Variants in NUP58 observed in about 807,000 individuals in gnomAD.
The protein encoded by NUP58 is nucleoporin p58/p45.
Under a neutral mutation model 70.1 loss-of-function variants are expected in NUP58, and 17 were observed. The ratio of observed to expected loss-of-function variants is 0.24; its 90% CI spans 0.17 to 0.36. NUP58 has a LOEUF of 0.36. Ranked by LOEUF, NUP58 falls within the 10% of genes least tolerant of loss-of-function variation. The pLI is 1.00. For missense variants in NUP58, 644 were observed against 701.5 expected (o/e 0.92, Z 0.93); for synonymous variants, 275 against 257.6 (o/e 1.07, Z -0.65).
Position 25,336,927 on chromosome 13 carries a change from T to A in NUP58, c.1436-9T>A, listed in dbSNP as rs745704879. On this transcript the variant is annotated splice_polypyrimidine_tract_variant and intron_variant, in intron 13 of 15. Transcript: ENST00000381736. ...TTTCCCCCCCATTTTTTTTTTTTTT[T>A]TATACCAGGGCCACAGCCATCTCTG... The A allele has an allele frequency of 1.0e-4, 153 of 1,511,530 alleles. No homozygotes were observed. Among genetic ancestry groups the A allele is most frequent in the South Asian group, 1.9e-4 (15 of 79,556 alleles). 93.6% of individuals were successfully genotyped at this position (1,511,530 alleles called of 1,614,324 possible).
chr13:25,324,953 C>CTTTTTTTTTTTTTTTTTT (rs59746219), intron 9 of NUP58, 36 bp from the exon 10 acceptor site: 1 of 1,052,620 alleles, frequency 9.5e-7, no homozygotes, highest in Non-Finnish European at 1.3e-6. Flanking sequence ...TCTTAACTGG[C>CTTTTTTTTTTTTTTTTTT]TTTTTTTTTT....
chr13:25,301,683 A>G lies in NUP58; in HGVS notation c.-91A>G. ...TCCCGCCAGGTCCGTGCCGGGCGAGAGAGATGCTGCCCGGCCCGCCTCGGC... is the reference window on the plus strand; with the variant it reads ...TCCCGCCAGGTCCGTGCCGGGCGAGGGAGATGCTGCCCGGCCCGCCTCGGC... On this transcript the variant is annotated 5_prime_UTR_variant, in exon 1 of 16. Transcript: ENST00000381736. 1.6e-6 allele frequency: 1 copy of G among 633,346 alleles called. No homozygotes were observed. Among genetic ancestry groups the G allele is most frequent in the Non-Finnish European group, 2.5e-6 (1 of 401,772 alleles). The allele number at this position is 633,346 out of a possible 1,614,324, so 39.2% of individuals were successfully genotyped here.
At chr13:25,304,497 T>TAC (rs1354327240) in intron 1 of NUP58, among the ~76,000 whole-genome samples, 1 of 115,392 alleles carries the variant, frequency 8.7e-6, no homozygotes, top group Admixed American at 9.3e-5. Context: ...TATATATATA[T>TAC]ATATATATAT....
In NUP58 at chr13:25,310,328, C is replaced by G. The variant is rs201710872; in HGVS notation, c.286+1046C>G. 6.2e-5 allele frequency among the ~76,000 whole-genome samples: 9 copies of G among 146,218 alleles called. No individual in the cohort carries two copies. The East Asian group carries it at 1.3e-3, about 20-fold the overall frequency. ...TTCCGCCTCCTGGGTTCAAGTGATT[C>G]TCTTGCCTCAGCTTCCTGAGTAGCT... is the stretch of plus-strand genomic sequence containing the variant. On this transcript the variant is annotated intron_variant, in intron 3 of 15. Transcript: ENST00000381736.
At chr13:25,319,601 T>C (rs893275256) in intron 7 of NUP58, among the ~76,000 whole-genome samples, 4 of 148,792 alleles carry the variant, frequency 2.7e-5, no homozygotes, top group African/African-American at 1.0e-4. Flanking sequence ...TTCTCTAATA[T>C]AAATAAATAC....
At chr13:25,326,320 C>G (rs2031392359) in intron 10 of NUP58, among the ~76,000 whole-genome samples, 1 of 151,184 alleles carries the variant, frequency 6.6e-6, no homozygotes, top group Non-Finnish European at 1.5e-5. Flanking sequence ...CCTCTGTATA[C>G]TATTCAAGAT....
intron 15 of NUP58, 189 bp downstream of exon 15, chr13:25,338,920 G>C (rs1231554883): frequency 7.3e-6 from 3 of 409,032 alleles, no homozygotes; most frequent in Non-Finnish European, 1.3e-5. Context: ...GGGCAGGTTT[G>C]TAAAATACTT....
intron 6 of NUP58, among the ~76,000 whole-genome samples, chr13:25,318,437 A>AT (rs367864048): frequency 1.5e-4 from 23 of 152,190 alleles, no homozygotes; most frequent in African/African-American, 5.1e-4. Context: ...TTAGGTGCTT[A>AT]TTTTTTCACA....
intron 1 of NUP58, among the ~76,000 whole-genome samples, chr13:25,304,021 G>C (rs1192922492): frequency 6.6e-6 from 1 of 152,166 alleles, no homozygotes; most frequent in Non-Finnish European, 1.5e-5. Context: ...CTAGTGATTT[G>C]ATGTCTTGAG....
intron 15 of NUP58, among the ~76,000 whole-genome samples, chr13:25,339,282 T>G (rs911274716): frequency 1.6e-4 from 24 of 152,310 alleles, no homozygotes; most frequent in African/African-American, 5.8e-4. Context: ...TGTGCAGTGC[T>G]TAGGGACAAA....
intron 6 of NUP58, among the ~76,000 whole-genome samples, chr13:25,316,960 G>C (rs935059557): frequency 2.0e-5 from 3 of 152,054 alleles, no homozygotes; most frequent in Admixed American, 6.5e-5. Context: ...AATAACTTGG[G>C]TGTGTTTCTA....
At chr13:25,336,354 G>GT (rs759856634) in intron 13 of NUP58, 5 of 953,950 alleles carry the variant, frequency 5.2e-6, no homozygotes, top group South Asian at 1.4e-5. Context: ...ACATTGTCTT[G>GT]TTTTTTATCT....
At chr13:25,333,969 T>C (rs2031697929) in intron 13 of NUP58, 6 of 985,334 alleles carry the variant, frequency 6.1e-6, no homozygotes, top group African/African-American at 1.7e-5. Context: ...GACTGCTGCC[T>C]TCTGAAGGTG....
At chr13:25,313,784 A>G (rs1317971347) in intron 5 of NUP58, 33 bp downstream of exon 5, 3 of 1,461,388 alleles carry the variant, frequency 2.1e-6, no homozygotes, top group Non-Finnish European at 2.7e-6. Flanking sequence ...CAGAATAGTA[A>G]ATATTTATAT....
chr13:25,310,172 T>TAGGACTAC (rs2030584061), intron 3 of NUP58, among the ~76,000 whole-genome samples: 1 of 149,340 alleles, frequency 6.7e-6, no homozygotes, highest in Admixed American at 6.7e-5. Flanking sequence ...CCCAAGTAGC[T>TAGGACTAC]AGGACTACAG....
intron 13 of NUP58, chr13:25,333,175 A>ATG (rs2031669338): frequency 1.0e-6 from 1 of 985,086 alleles, no homozygotes; most frequent in Non-Finnish European, 1.2e-6. Flanking sequence ...TTATTTTGAG[A>ATG]AATTCATAGG....
At chr13:25,313,360 A>G (rs2030768004) in intron 4 of NUP58, among the ~76,000 whole-genome samples, 1 of 152,196 alleles carries the variant, frequency 6.6e-6, no homozygotes, top group African/African-American at 2.4e-5. Context: ...GCCTGGGTTG[A>G]AGACAATATT....
chr13:25,309,416 G>A, intron 3 of NUP58, 134 bp downstream of exon 3: 1 of 640,472 alleles, frequency 1.6e-6, no homozygotes. Flanking sequence ...ATCACAGATG[G>A]TGACTTATCG....
At chr13:25,310,668 G>A (rs1382691322) in intron 3 of NUP58, among the ~76,000 whole-genome samples, 3 of 151,734 alleles carry the variant, frequency 2.0e-5, no homozygotes, top group African/African-American at 7.3e-5. Context: ...CCTGAGTCTT[G>A]TTTTCTGAGG....
Sources: gnomAD v4.1 joint callset for allele counts (sites outside exome capture counted in the v4.1 genomes callset) on GRCh38, gnomAD v4.1.1 for gene constraint, MANE v1.5 for transcripts, NCBI Gene and HGNC (gene_info 2026-07-23, HGNC 2026-07-21) for gene names.